CTNNA3: variants seen among roughly 807,000 people sequenced by gnomAD.
CTNNA3 encodes the protein catenin alpha-3.
Under a neutral mutation model 95.7 loss-of-function variants are expected in CTNNA3, and 76 were observed. That is an observed-to-expected ratio of 0.79 (90% CI 0.66 to 0.96). CTNNA3 has a LOEUF of 0.96. CTNNA3 is among the 40% of genes least tolerant of loss of function. The pLI is 0.00. For missense variants in CTNNA3, 1,191 were observed against 1,089.8 expected (o/e 1.09, Z -1.31); for synonymous variants, 431 against 374.4 (o/e 1.15, Z -1.74).
chr10:67,639,760 T>A (rs376070679), intron 2 of CTNNA3, among the ~76,000 whole-genome samples: 1 of 152,100 alleles, frequency 6.6e-6, no homozygotes, highest in Non-Finnish European at 1.5e-5. Context: ...AAAAACCACA[T>A]GATTATCTCA....
chr10:67,535,389 A>C (rs1005683215), intron 4 of CTNNA3, among the ~76,000 whole-genome samples: 2 of 152,148 alleles, frequency 1.3e-5, no homozygotes, highest in Non-Finnish European at 2.9e-5. Context: ...TCAAAGGATG[A>C]TGGACTGTAA....
chr10:67,601,891 C>T (rs1843094284), intron 3 of CTNNA3, among the ~76,000 whole-genome samples: 1 of 152,122 alleles, frequency 6.6e-6, no homozygotes, highest in Admixed American at 6.5e-5. Context: ...ACCCCTGTTT[C>T]ACCTTTCATG....
At chr10:66,787,865 GTAAT>G (rs1268528309) in intron 7 of CTNNA3, among the ~76,000 whole-genome samples, 1 of 151,976 alleles carries the variant, frequency 6.6e-6, no homozygotes, top group East Asian at 1.9e-4. Context: ...TCAGTAAACT[GTAAT>G]TAATGTTATT....
At chr10:66,827,318 C>G (rs1349788604) in intron 7 of CTNNA3, among the ~76,000 whole-genome samples, 1 of 152,162 alleles carries the variant, frequency 6.6e-6, no homozygotes, top group African/African-American at 2.4e-5. Context: ...CCCTCCTTTA[C>G]CATACTTACC....
chr10:67,212,140 A>G (rs1002682491), intron 6 of CTNNA3, among the ~76,000 whole-genome samples: 1 of 152,036 alleles, frequency 6.6e-6, no homozygotes, highest in African/African-American at 2.4e-5. Flanking sequence ...ACTTTATTCA[A>G]TTTCATTATT....
At chr10:67,195,292 TAA>T (rs1863300709) in intron 6 of CTNNA3, among the ~76,000 whole-genome samples, 1 of 151,784 alleles carries the variant, frequency 6.6e-6, no homozygotes, top group South Asian at 2.1e-4. Flanking sequence ...TAGAAGAAAA[TAA>T]AGACATATGA....
chr10:67,453,109 C>T (rs1391367639), intron 5 of CTNNA3, among the ~76,000 whole-genome samples: 1 of 152,124 alleles, frequency 6.6e-6, no homozygotes, highest in East Asian at 1.9e-4. Flanking sequence ...AGCCTGGGCA[C>T]TGGGCCAGCT....
At chr10:66,271,717 C>T (rs2091285900) in intron 13 of CTNNA3, among the ~76,000 whole-genome samples, 1 of 143,214 alleles carries the variant, frequency 7.0e-6, no homozygotes, top group South Asian at 2.3e-4. Context: ...GTAGAGCTCT[C>T]TGAGTGCAGG....
rs369121802 is a variant in CTNNA3 at position 66,450,902 on chromosome 10, A to G, written c.1531+69715T>C. Among the ~76,000 whole-genome samples the G allele has an allele frequency of 4.7e-4, 72 of 152,316 alleles. 1 individual carries two copies. In the South Asian group the frequency reaches 0.015, roughly 31 times the overall value. ...CTAACTTTTTTGAAGATAAAGTAAC[A>G]TAAGACTACAAACATTTTTCCGGTT... On this transcript the variant is annotated intron_variant, in intron 11 of 17. Coordinates refer to ENST00000433211, the MANE Select transcript of CTNNA3 (RefSeq NM_013266.4).
chr10:67,181,113 G>C (rs948716768), intron 6 of CTNNA3, among the ~76,000 whole-genome samples: 3 of 152,022 alleles, frequency 2.0e-5, no homozygotes. Flanking sequence ...TTCAATACCA[G>C]ATTTAATATT....
chr10:67,635,332 T>A (rs1458785815), intron 2 of CTNNA3, among the ~76,000 whole-genome samples: 2 of 152,302 alleles, frequency 1.3e-5, no homozygotes, highest in Middle Eastern at 3.4e-3. Flanking sequence ...GAGGCCAGCA[T>A]CATCCTGATA....
At chr10:67,219,362 C>T (rs1271991084) in intron 6 of CTNNA3, among the ~76,000 whole-genome samples, 1 of 152,128 alleles carries the variant, frequency 6.6e-6, no homozygotes, top group Non-Finnish European at 1.5e-5. Context: ...TCATTTCGAT[C>T]TAATTAACAA....
chr10:66,199,730 T>C (rs1469496420), intron 13 of CTNNA3, among the ~76,000 whole-genome samples: 1 of 135,618 alleles, frequency 7.4e-6, no homozygotes, highest in African/African-American at 2.8e-5. Context: ...GCCTCCTGAT[T>C]AGCTGGGATT....
intron 16 of CTNNA3, among the ~76,000 whole-genome samples, chr10:65,968,143 A>G (rs1359118026): frequency 6.6e-6 from 1 of 152,182 alleles, no homozygotes; most frequent in Non-Finnish European, 1.5e-5. Context: ...TAATCCCAGC[A>G]ATTTGGGAAG....
chr10:67,026,994 A>C (rs1853431149), intron 7 of CTNNA3, among the ~76,000 whole-genome samples: 1 of 152,224 alleles, frequency 6.6e-6, no homozygotes, highest in African/African-American at 2.4e-5. Context: ...TCAGAAAATA[A>C]ATGATGATAA....
chr10:66,378,324 G>T (rs1434208011), intron 12 of CTNNA3, among the ~76,000 whole-genome samples: 3 of 151,904 alleles, frequency 2.0e-5, no homozygotes, highest in Non-Finnish European at 2.9e-5. Context: ...ATGACTTAAG[G>T]TTGGAATTTC....
At chr10:66,195,660 C>A (rs1054210967) in intron 13 of CTNNA3, among the ~76,000 whole-genome samples, 1 of 152,132 alleles carries the variant, frequency 6.6e-6, no homozygotes, top group African/African-American at 2.4e-5. Flanking sequence ...TTCAATCTTT[C>A]CTTTATTGCA....
intron 10 of CTNNA3, among the ~76,000 whole-genome samples, chr10:66,562,114 GCATA>G (rs1357998096): frequency 6.6e-6 from 1 of 152,058 alleles, no homozygotes; most frequent in African/African-American, 2.4e-5. Flanking sequence ...ATACACACGT[GCATA>G]CATATTAGCA....
intron 3 of CTNNA3, among the ~76,000 whole-genome samples, chr10:67,542,931 T>G (rs1840727461): frequency 6.6e-6 from 1 of 152,126 alleles, no homozygotes; most frequent in African/African-American, 2.4e-5. Context: ...TTTTATAAAG[T>G]CTACATGTGG....
Sources: allele counts gnomAD v4.1 joint callset (sites outside exome capture counted in the v4.1 genomes callset), GRCh38; gene constraint gnomAD v4.1.1; transcripts MANE v1.5; gene names NCBI Gene and HGNC (gene_info 2026-07-23, HGNC 2026-07-21).